Variants in TRAPPC9 observed in about 807,000 individuals in gnomAD.
TRAPPC9 encodes IKK2 binding protein.
TRAPPC9 carries 83 observed loss-of-function variants against 124.0 expected under a neutral mutation model. That is an observed-to-expected ratio of 0.67 (90% CI 0.56 to 0.80). The LOEUF (loss-of-function observed/expected upper bound fraction) is 0.80, where lower values mean the gene tolerates loss of function less well. TRAPPC9 is among the 30% of genes least tolerant of loss of function. TRAPPC9 has a pLI of 0.00. For missense variants in TRAPPC9, 1,302 were observed against 1,508.3 expected, an observed-to-expected ratio of 0.86 and a Z score of 2.27; for synonymous variants, 638 against 617.5, an observed-to-expected ratio of 1.03 and a Z score of -0.49.
chr8:140,191,628 A>G (rs538398239), intron 17 of TRAPPC9, among the ~76,000 whole-genome samples: 14 of 152,332 alleles, frequency 9.2e-5, no homozygotes, highest in African/African-American at 2.6e-4. Context: ...CCAGAAGCCA[A>G]GCAGATGCTG....
At chr8:140,179,806 A>G (rs999146760) in intron 17 of TRAPPC9, among the ~76,000 whole-genome samples, 1 of 152,046 alleles carries the variant, frequency 6.6e-6, no homozygotes, top group African/African-American at 2.4e-5. Flanking sequence ...TTACCCTTTC[A>G]TCATTACAAA....
chr8:139,947,977 G>A (rs572102561), intron 19 of TRAPPC9, among the ~76,000 whole-genome samples: 1 of 147,974 alleles, frequency 6.8e-6, no homozygotes, highest in South Asian at 2.2e-4. Context: ...GACAGCACGG[G>A]ATTTTGAGTC....
chr8:140,446,960 G>A (rs1445388546), intron 2 of TRAPPC9, among the ~76,000 whole-genome samples: 1 of 152,148 alleles, frequency 6.6e-6, no homozygotes, highest in Non-Finnish European at 1.5e-5. Flanking sequence ...CAGCTCCCCT[G>A]GCCACCAGCA....
chr8:140,342,857 A>T (rs944634419), intron 9 of TRAPPC9, among the ~76,000 whole-genome samples: 1 of 152,204 alleles, frequency 6.6e-6, no homozygotes, highest in South Asian at 2.1e-4. Context: ...GCTCTGCTAT[A>T]TGAAGCTAAG....
intron 17 of TRAPPC9, among the ~76,000 whole-genome samples, chr8:140,115,827 G>T (rs1407230441): frequency 6.6e-6 from 1 of 152,080 alleles, no homozygotes; most frequent in African/African-American, 2.4e-5. Flanking sequence ...TGTGCCCGGG[G>T]CCCTTGTTCT....
chr8:139,806,059 GTTAA>G (rs1026135209), intron 21 of TRAPPC9: 2 of 152,198 alleles, frequency 1.3e-5, no homozygotes, highest in Non-Finnish European at 1.5e-5. Flanking sequence ...AGAACGGGGC[GTTAA>G]TTGAGAGCTT....
chr8:140,327,228 G>C (rs1050578378), intron 9 of TRAPPC9, among the ~76,000 whole-genome samples: 1 of 152,108 alleles, frequency 6.6e-6, no homozygotes, highest in Admixed American at 6.5e-5. Context: ...ACTCCAGCCT[G>C]GGCGACAGGA....
chr8:140,277,673 A>C (rs1358903789), intron 14 of TRAPPC9, among the ~76,000 whole-genome samples: 1 of 152,214 alleles, frequency 6.6e-6, no homozygotes, highest in African/African-American at 2.4e-5. Context: ...GCTGGCACTG[A>C]AAAGGAGCTG....
intron 19 of TRAPPC9, among the ~76,000 whole-genome samples, chr8:139,979,062 G>C (rs1345719931): frequency 6.6e-6 from 1 of 152,148 alleles, no homozygotes; most frequent in African/African-American, 2.4e-5. Flanking sequence ...CTGGGGCGCC[G>C]TGGTTGACAG....
chr8:139,754,541 T>C (rs1036960214), intron 21 of TRAPPC9, among the ~76,000 whole-genome samples: 8 of 152,016 alleles, frequency 5.3e-5, no homozygotes, highest in Non-Finnish European at 8.8e-5. Flanking sequence ...ATGCGGTGAC[T>C]GATCCACACA....
intron 21 of TRAPPC9, among the ~76,000 whole-genome samples, chr8:139,807,494 G>A (rs950090321): frequency 1.3e-5 from 2 of 152,118 alleles, no homozygotes; most frequent in African/African-American, 2.4e-5. Flanking sequence ...TACACGGGGC[G>A]CTTCATAAAT....
At chr8:140,120,742 C>T (rs1403259326) in intron 17 of TRAPPC9, among the ~76,000 whole-genome samples, 2 of 150,630 alleles carry the variant, frequency 1.3e-5, no homozygotes, top group Non-Finnish European at 3.0e-5. Flanking sequence ...CAACATCCAT[C>T]CATCCATTCA....
intron 19 of TRAPPC9, among the ~76,000 whole-genome samples, chr8:139,960,048 G>A (rs1001250371): frequency 6.6e-6 from 1 of 152,374 alleles, no homozygotes; most frequent in Admixed American, 6.5e-5. Context: ...AACAGCTCAT[G>A]TATTAGTCAC....
At chr8:139,996,475 A>G (rs1322457685) in intron 18 of TRAPPC9, among the ~76,000 whole-genome samples, 1 of 152,122 alleles carries the variant, frequency 6.6e-6, no homozygotes, top group East Asian at 1.9e-4. Context: ...GGGATCAGTA[A>G]GGAATTAAAC....
chr8:140,274,592 T>G (rs935794586), intron 15 of TRAPPC9, among the ~76,000 whole-genome samples: 1 of 152,234 alleles, frequency 6.6e-6, no homozygotes, highest in African/African-American at 2.4e-5. Flanking sequence ...TCCAGAGCGG[T>G]ACAAGCCCAA....
intron 10 of TRAPPC9, among the ~76,000 whole-genome samples, chr8:140,301,545 G>A (rs1337531066): frequency 6.6e-6 from 1 of 152,230 alleles, no homozygotes; most frequent in Non-Finnish European, 1.5e-5. Flanking sequence ...AGAAGGTGCT[G>A]TCACCCTTGT....
In TRAPPC9 at chr8:140,252,877, C is replaced by G; in HGVS notation, c.2331G>C (p.Gln777His). The change falls in exon 16 of 23, where the codon CAG becomes CAC. Residue 777 changes from glutamine to histidine, a missense_variant. Transcript: ENST00000438773. The surrounding 1 kb of genome is among the most constrained non-coding windows in gnomAD (Gnocchi z 4.2). ...CCACCTTCCCAGGCTGCAAAGGGAACTGGGCAAGGGTTTCCTCTAGCTTCC... is the reference window on the plus strand; with the variant it reads ...CCACCTTCCCAGGCTGCAAAGGGAAGTGGGCAAGGGTTTCCTCTAGCTTCC... ...LSWKLEETLA[Q>H]FPLQPGKVAT... 1 of 1,614,114 alleles carries G rather than the reference C, an allele frequency of 6.2e-7. No individual in the cohort carries two copies. Among genetic ancestry groups the G allele is most frequent in the Non-Finnish European group, 8.5e-7 (1 of 1,180,036 alleles).
In TRAPPC9 at chr8:140,257,232, A is replaced by G. The variant is rs1343725498; in HGVS notation, c.2279-4303T>C. ...TCAAGCAGCTTTCCTAAGGGTACAAAGCTAGGATGTCCCAGAGTCAAGAGG... is the reference window on the plus strand; with the variant it reads ...TCAAGCAGCTTTCCTAAGGGTACAAGGCTAGGATGTCCCAGAGTCAAGAGG... On this transcript the variant is annotated intron_variant, in intron 15 of 22. Coordinates refer to ENST00000438773, the MANE Select transcript of TRAPPC9 (RefSeq NM_001160372.4). The surrounding 1 kb of genome is among the most constrained non-coding windows in gnomAD (Gnocchi z 4.6). Among the ~76,000 whole-genome samples, 1 of 152,202 alleles carries G rather than the reference A, an allele frequency of 6.6e-6. No individual in the cohort carries two copies. The highest frequency in any genetic ancestry group is 6.5e-5 in the Admixed American group (1 of 15,286).
At chr8:139,807,356 A>T (rs1586889393) in intron 21 of TRAPPC9, among the ~76,000 whole-genome samples, 1 of 152,208 alleles carries the variant, frequency 6.6e-6, no homozygotes, top group South Asian at 2.1e-4. Context: ...CTGAACTCCA[A>T]GGGGCAAAGC....
Sources: gnomAD v4.1 joint callset for allele counts (sites outside exome capture counted in the v4.1 genomes callset) on GRCh38, gnomAD v4.1.1 for gene constraint, Gnocchi (gnomAD v3.1) non-coding constraint, MANE v1.5 for transcripts, NCBI Gene and HGNC (gene_info 2026-07-23, HGNC 2026-07-21) for gene names.